Variants in ARHGEF7 observed in about 807,000 individuals in gnomAD.
ARHGEF7 encodes the protein Rho guanine nucleotide exchange factor 7.
In ARHGEF7, 33 loss-of-function variants were observed where a neutral mutation model predicts 109.8. The ratio of observed to expected loss-of-function variants is 0.30; its 90% CI spans 0.23 to 0.40. The LOEUF (loss-of-function observed/expected upper bound fraction) is 0.40. Ranked by LOEUF, ARHGEF7 falls within the 10% of genes least tolerant of loss-of-function variation. The probability of loss-of-function intolerance (pLI) is 1.00; values close to 1 mark genes in which losing one functional copy is unlikely to be tolerated. For synonymous variants in ARHGEF7, 458 were observed against 424.6 expected (o/e 1.08, Z -0.97); for missense variants, 938 against 1,098.5 (o/e 0.85, Z 2.07).
intron 8 of ARHGEF7, among the ~76,000 whole-genome samples, chr13:111,251,888 G>A (rs1396541636): frequency 6.6e-6 from 1 of 152,190 alleles, no homozygotes; most frequent in Non-Finnish European, 1.5e-5. Flanking sequence ...TTCTGTTTTT[G>A]TTTTTCCCCC....
intron 4 of ARHGEF7, among the ~76,000 whole-genome samples, chr13:111,213,703 C>T (rs78998164): frequency 0.019 from 2,863 of 152,106 alleles, 72 homozygotes; most frequent in African/African-American, 0.064. Context: ...TAACAAGCTA[C>T]AGTTTCAGGA....
At position 111,303,284 on chromosome 13, in the gene ARHGEF7, A is replaced by G. The variant is rs1235097909; in HGVS notation, c.*171A>G. The G allele has an allele frequency of 3.5e-6, 2 of 578,838 alleles. No homozygotes were observed. The highest frequency in any genetic ancestry group is 5.8e-6 in the Non-Finnish European group (2 of 344,886). 35.9% of individuals were successfully genotyped at this position (578,838 alleles called of 1,614,324 possible). ...TTCTGCGAATGGAGACGATCAAACC[A>G]TGACTGATGAATCCAGACAGGAGGG... On this transcript the variant is annotated 3_prime_UTR_variant, in exon 22 of 22. Coordinates refer to ENST00000646102, the MANE Select transcript of ARHGEF7 (RefSeq NM_001354046.2).
At chr13:111,260,359 A>T (rs1379387127) in intron 8 of ARHGEF7, among the ~76,000 whole-genome samples, 2 of 152,256 alleles carry the variant, frequency 1.3e-5, no homozygotes, top group African/African-American at 4.8e-5. Context: ...AAAGGATCCT[A>T]AAAGCAGAGA....
intron 1 of ARHGEF7, among the ~76,000 whole-genome samples, chr13:111,128,534 G>T (rs1285703483): frequency 6.6e-6 from 1 of 151,800 alleles, no homozygotes; most frequent in African/African-American, 2.4e-5. Context: ...CAAAAAACCA[G>T]TAAGTCAGTT....
At chr13:111,288,805 A>G (rs1161208370) in intron 18 of ARHGEF7, among the ~76,000 whole-genome samples, 1 of 152,238 alleles carries the variant, frequency 6.6e-6, no homozygotes, top group Non-Finnish European at 1.5e-5. Context: ...CTGTTGGTGT[A>G]GTACTGGAAT....
At chr13:111,221,907 G>A (rs550665303) in intron 5 of ARHGEF7, among the ~76,000 whole-genome samples, 1 of 152,208 alleles carries the variant, frequency 6.6e-6, no homozygotes, top group East Asian at 1.9e-4. Flanking sequence ...GCCAGTCCGA[G>A]TCTCAAAACT....
chr13:111,200,925 A>T (rs942440770), intron 2 of ARHGEF7, among the ~76,000 whole-genome samples: 7 of 152,192 alleles, frequency 4.6e-5, no homozygotes, highest in African/African-American at 1.7e-4. Context: ...CAGTGAAGAC[A>T]TGGTAAAGAC....
At chr13:111,290,344 T>G (rs918456213) in intron 18 of ARHGEF7, among the ~76,000 whole-genome samples, 1 of 149,076 alleles carries the variant, frequency 6.7e-6, no homozygotes, top group African/African-American at 2.4e-5. Flanking sequence ...TAAAAAATAA[T>G]TATACTTATA....
At chr13:111,166,300 A>C (rs1321449930) in intron 2 of ARHGEF7, among the ~76,000 whole-genome samples, 1 of 152,162 alleles carries the variant, frequency 6.6e-6, no homozygotes, top group African/African-American at 2.4e-5. Flanking sequence ...GAGGCCAGGG[A>C]GTCGTGGGGA....
rs1566576462 is a variant in ARHGEF7, at chr13:111,115,586, C to A, written c.60C>A (p.Pro20=). The A allele has an allele frequency of 2.1e-6, 3 of 1,427,104 alleles. No individual in the cohort carries two copies. Among genetic ancestry groups the A allele is most frequent in the Non-Finnish European group, 2.8e-6 (3 of 1,074,440 alleles). The allele number at this position is 1,427,104 out of a possible 1,614,324, so 88.4% of individuals were successfully genotyped here. ...TCACTCTGGGGGTGCTGGAGTCGCC[C>A]AAAAAAACCATCTCGGACCCGGAGG... ...WLITLGVLES[P]KKTISDPEGF... The change falls in exon 1 of 22, where the codon CCC becomes CCA. Residue 20 remains proline (P), a synonymous_variant. Transcript: ENST00000646102.
chr13:111,300,782 T>C lies in ARHGEF7; in HGVS notation c.2346T>C (p.Leu782=). The C allele has an allele frequency of 1.2e-6, 2 of 1,612,030 alleles. No individual in the cohort carries two copies. Among genetic ancestry groups the C allele is most frequent in the Non-Finnish European group, 1.7e-6 (2 of 1,179,156 alleles). ...SRKESAPQVL[L]PEEEKIIVEE... is the part of the protein sequence containing the mutation. ...AAGAATCTGCTCCACAAGTTTTGCT[T>C]CCAGAAGAAGAGAAAATTATAGTGG... Residue 782 remains leucine (L), a synonymous_variant, in exon 20 of 22, where the codon CTT becomes CTC. Coordinates refer to ENST00000646102, the MANE Select transcript of ARHGEF7 (RefSeq NM_001354046.2).
chr13:111,303,210 C>CTGGGG lies in ARHGEF7; in HGVS notation c.*101_*102insGTGGG. On this transcript the variant is annotated 3_prime_UTR_variant, in exon 22 of 22. Transcript: ENST00000646102. ...GTGCACTCAGGACCACAGGGCAGGGCTGGGTGGGGCGCCACCTTGCTCTCT... is the reference window on the plus strand; with the variant it reads ...GTGCACTCAGGACCACAGGGCAGGGCTGGGGTGGGTGGGGCGCCACCTTGCTCTCT... The CTGGGG allele has an allele frequency of 4.8e-6, 2 of 415,036 alleles. No individual in the cohort carries two copies. The highest frequency in any genetic ancestry group is 9.3e-6 in the Non-Finnish European group (2 of 214,630). The allele number at this position is 415,036 out of a possible 1,614,324, so 25.7% of individuals were successfully genotyped here.
At chr13:111,294,214 G>A in intron 19 of ARHGEF7, 1 of 985,388 alleles carries the variant, frequency 1.0e-6, no homozygotes, top group Non-Finnish European at 1.2e-6. Flanking sequence ...TACTATAAGT[G>A]GATTTAGAAG....
chr13:111,182,840 A>G (rs933723405), intron 2 of ARHGEF7: 2 of 152,236 alleles, frequency 1.3e-5, no homozygotes, highest in African/African-American at 4.8e-5. Context: ...CACATTCAGT[A>G]GAAACAGTGC....
chr13:111,222,823 A>T (rs2084642706), intron 5 of ARHGEF7, among the ~76,000 whole-genome samples: 1 of 152,244 alleles, frequency 6.6e-6, no homozygotes, highest in South Asian at 2.1e-4. Context: ...CTCTAGGATC[A>T]CAATTACATT....
intron 3 of ARHGEF7, among the ~76,000 whole-genome samples, chr13:111,209,556 G>A (rs7333227): frequency 0.13 from 20,182 of 152,180 alleles, 1,363 homozygotes; most frequent in South Asian, 0.21. Context: ...AATCAAATTT[G>A]AGAGGCTTTT....
At position 111,263,852 on chromosome 13, in the gene ARHGEF7, ACT is replaced by A. The variant is rs200087147; in HGVS notation, c.951-3695_951-3694del. On this transcript the variant is annotated intron_variant, in intron 8 of 21. Coordinates refer to ENST00000646102, the MANE Select transcript of ARHGEF7 (RefSeq NM_001354046.2). ...CTGGCAGCAGTTTGTAGCTCCTGTC[ACT>A]GAGACTACATAATTGTCTTCAGTTT... is the stretch of plus-strand genomic sequence containing the variant. 4.2e-4 allele frequency among the ~76,000 whole-genome samples: 64 copies of A among 152,334 alleles called. 1 individual carries two copies. The East Asian group carries it at 0.012, about 29-fold the overall frequency.
At chr13:111,123,592 C>T (rs1266250851) in intron 1 of ARHGEF7, among the ~76,000 whole-genome samples, 1 of 152,100 alleles carries the variant, frequency 6.6e-6, no homozygotes, top group East Asian at 1.9e-4. Context: ...TTTAAAATAC[C>T]CTCTATATCC....
rs902048003 is a variant in ARHGEF7, at chr13:111,244,391, A to C, written c.950+97A>C. ...AATTTTAGAATTCACATTTCTAAAG[A>C]TGCAAACTTAAGTTATTTTAAATCT... On this transcript the variant is annotated intron_variant, in intron 8 of 21. Transcript: ENST00000646102. 1.4e-5 allele frequency: 10 copies of C among 738,024 alleles called. No individual in the cohort carries two copies. In the Admixed American group the frequency reaches 2.7e-4, roughly 20 times the overall value. 45.7% of individuals were successfully genotyped at this position (738,024 alleles called of 1,614,324 possible). A position where few individuals can be genotyped will look rare whatever the true frequency, so the allele number is the denominator to read the frequency against.
Sources: allele counts gnomAD v4.1 joint callset (sites outside exome capture counted in the v4.1 genomes callset), GRCh38; gene constraint gnomAD v4.1.1; transcripts MANE v1.5; gene names NCBI Gene and HGNC (gene_info 2026-07-23, HGNC 2026-07-21).